The following SH3GL1 variants were observed in gnomAD, a reference collection of about 807,000 sequenced individuals.
The protein encoded by SH3GL1 is SH3 domain containing GRB2 like 1, endophilin A2.
A neutral mutation model predicts 48.8 loss-of-function variants in SH3GL1; 21 were observed. The observed-to-expected ratio is 0.43, with a 90% confidence interval of 0.30 to 0.62. The LOEUF (loss-of-function observed/expected upper bound fraction) is 0.62. Ranked by LOEUF, SH3GL1 falls within the 20% of genes least tolerant of loss-of-function variation. The pLI is 0.11. For synonymous variants in SH3GL1, 282 were observed against 217.5 expected, an observed-to-expected ratio of 1.30 and a Z score of -2.61; for missense variants, 454 against 503.0, an observed-to-expected ratio of 0.90 and a Z score of 0.93.
chr19:4,365,735 C>T (rs997644276), intron 3 of SH3GL1, 110 bp from the exon 4 acceptor site: 3 of 1,452,452 alleles, frequency 2.1e-6, no homozygotes, highest in Admixed American at 1.7e-5. Flanking sequence ...TGCCTGTGGA[C>T]AGCCTAGGCC....
chr19:4,372,128 C>T lies in SH3GL1; in HGVS notation c.46-5134G>A, dbSNP rs527428246. ...TGGCCAAGGCCATACATTTACAGGA[C>T]TAGGGGACAACAGCCCCAGGACAAA... is the stretch of plus-strand genomic sequence containing the variant. On this transcript the variant is annotated intron_variant, in intron 1 of 9. Coordinates refer to ENST00000269886, the MANE Select transcript of SH3GL1 (RefSeq NM_003025.4). Among the ~76,000 whole-genome samples, 34 of 152,350 alleles carry T rather than the reference C, an allele frequency of 2.2e-4. No homozygotes were observed. In the South Asian group the frequency reaches 5.4e-3, roughly 24 times the overall value.
At position 4,361,316 on chromosome 19, in the gene SH3GL1, C is replaced by A. The variant is rs770659974; in HGVS notation, c.*284G>T. ...TGTTGCCCCGCCTCGGCCAGCTGGG[C>A]GAGAAGTTGGGGAGCGGGGGAGGAG... On this transcript the variant is annotated 3_prime_UTR_variant, in exon 10 of 10. Transcript: ENST00000269886. The A allele has an allele frequency of 8.0e-6, 4 of 500,648 alleles. No individual in the cohort carries two copies. Among genetic ancestry groups the A allele is most frequent in the Admixed American group, 3.5e-5 (1 of 28,482 alleles). 31.0% of individuals were successfully genotyped at this position (500,648 alleles called of 1,614,324 possible).
At chr19:4,361,910 G>A (rs1263729065) in intron 9 of SH3GL1, 114 bp from the exon 10 acceptor site, 4 of 755,032 alleles carry the variant, frequency 5.3e-6, no homozygotes, top group East Asian at 2.6e-5. Flanking sequence ...CCTCCCCTCT[G>A]CCCTGCCTGG....
intron 1 of SH3GL1, among the ~76,000 whole-genome samples, chr19:4,392,338 A>T (rs942469193): frequency 1.3e-5 from 2 of 152,146 alleles, no homozygotes; most frequent in African/African-American, 4.8e-5. Context: ...AGCCTGGCCA[A>T]CATGATGAAA....
intron 7 of SH3GL1, among the ~76,000 whole-genome samples, chr19:4,363,023 A>G (rs148414758): frequency 5.3e-5 from 8 of 152,020 alleles, no homozygotes; most frequent in African/African-American, 1.2e-4. Flanking sequence ...TCCTCCCCCA[A>G]TTCCCCACCA....
At position 4,362,396 on chromosome 19, in the gene SH3GL1, G is replaced by A. The variant is rs768301758; in HGVS notation, c.854-11C>T. ...GGAAAGACGATGAAGCTAAACACAAGCAAAACGAGGAGGCTGTGGGCTCAA... is the reference window on the plus strand; with the variant it reads ...GGAAAGACGATGAAGCTAAACACAAACAAAACGAGGAGGCTGTGGGCTCAA... On this transcript the variant is annotated splice_polypyrimidine_tract_variant and intron_variant, in intron 8 of 9. Coordinates refer to ENST00000269886, the MANE Select transcript of SH3GL1 (RefSeq NM_003025.4). 5 of 1,608,678 alleles carry A rather than the reference G, an allele frequency of 3.1e-6. No homozygotes were observed. The South Asian group carries it at 3.3e-5, about 11-fold the overall frequency.
chr19:4,368,520 G>C (rs139291486), intron 1 of SH3GL1, among the ~76,000 whole-genome samples: 1 of 152,298 alleles, frequency 6.6e-6, no homozygotes, highest in East Asian at 1.9e-4. Context: ...CTTGTGTCCT[G>C]GCAACCTGCC....
At chr19:4,386,332 G>T (rs114685108) in intron 1 of SH3GL1, among the ~76,000 whole-genome samples, 3,148 of 152,234 alleles carry the variant, frequency 0.021, 114 homozygotes, top group African/African-American at 0.072. Flanking sequence ...TGAGAATAAG[G>T]GTCTCTGCTT....
At chr19:4,379,425 C>CAAA (rs973250795) in intron 1 of SH3GL1, among the ~76,000 whole-genome samples, 6 of 89,342 alleles carry the variant, frequency 6.7e-5, no homozygotes, top group South Asian at 7.1e-4. Flanking sequence ...GATGCTGTCT[C>CAAA]AAAAAAAAAA....
intron 1 of SH3GL1, among the ~76,000 whole-genome samples, chr19:4,368,494 G>A (rs944028734): frequency 2.0e-5 from 3 of 152,226 alleles, no homozygotes; most frequent in Admixed American, 6.5e-5. Flanking sequence ...TAGCCTGCCC[G>A]GAGTACACGG....
At chr19:4,365,404 G>A in intron 4 of SH3GL1, 78 bp downstream of exon 4, 2 of 1,587,662 alleles carry the variant, frequency 1.3e-6, no homozygotes, top group Non-Finnish European at 1.7e-6. Flanking sequence ...AGCACATGCA[G>A]GGCCTGGACC....
At chr19:4,383,346 C>G (rs1234569373) in intron 1 of SH3GL1, among the ~76,000 whole-genome samples, 1 of 152,018 alleles carries the variant, frequency 6.6e-6, no homozygotes, top group Non-Finnish European at 1.5e-5. Context: ...TCCCGAGTAG[C>G]TGGGACTACA....
In SH3GL1 at chr19:4,389,296, G is replaced by T. The variant is rs762730397; in HGVS notation, c.45+11028C>A. Among the ~76,000 whole-genome samples the T allele has an allele frequency of 6.6e-6, 1 of 152,182 alleles. No homozygotes were observed. The highest frequency in any genetic ancestry group is 2.4e-5 in the African/African-American group (1 of 41,434). On this transcript the variant is annotated intron_variant, in intron 1 of 9. Coordinates refer to ENST00000269886, the MANE Select transcript of SH3GL1 (RefSeq NM_003025.4). The surrounding 1 kb of genome is among the most constrained non-coding windows in gnomAD (Gnocchi z 4.5). ...GTGGCATCTGGGTGGGGGACCCCGAGGCCAGAAGCTCCAAGGGCTGAGAAC... is the reference window on the plus strand; with the variant it reads ...GTGGCATCTGGGTGGGGGACCCCGATGCCAGAAGCTCCAAGGGCTGAGAAC...
At chr19:4,381,218 G>GCCTCTGTCTGTCCCCCTA (rs1973118203) in intron 1 of SH3GL1, among the ~76,000 whole-genome samples, 1 of 105,644 alleles carries the variant, frequency 9.5e-6, no homozygotes, top group Non-Finnish European at 1.8e-5. Flanking sequence ...TGTCCCCTCT[G>GCCTCTGTCTGTCCCCCTA]CCTCTGTCTC....
intron 1 of SH3GL1, among the ~76,000 whole-genome samples, chr19:4,394,973 A>G (rs1392924241): frequency 6.6e-6 from 1 of 152,270 alleles, no homozygotes; most frequent in Non-Finnish European, 1.5e-5. Context: ...TGCCAAGCCA[A>G]GGAAGGGGTC....
At chr19:4,374,667 G>A (rs1307457334) in intron 1 of SH3GL1, among the ~76,000 whole-genome samples, 3 of 152,216 alleles carry the variant, frequency 2.0e-5, no homozygotes, top group South Asian at 2.1e-4. Context: ...CCTCTGGTCC[G>A]CATGCTGCCC....
chr19:4,374,214 A>C (rs1335122373), intron 1 of SH3GL1, among the ~76,000 whole-genome samples: 2 of 152,212 alleles, frequency 1.3e-5, no homozygotes, highest in East Asian at 3.9e-4. Context: ...CAGAGAGGGA[A>C]TCAGCCACTG....
At chr19:4,385,129 G>A (rs1365128586) in intron 1 of SH3GL1, among the ~76,000 whole-genome samples, 1 of 151,286 alleles carries the variant, frequency 6.6e-6, no homozygotes, top group Non-Finnish European at 1.5e-5. Flanking sequence ...TAGGGTACGA[G>A]AAACCAAGCA....
Position 4,363,774 on chromosome 19 carries a change from G to A in SH3GL1, c.570C>T (p.Phe190=), listed in dbSNP as rs777977343. Residue 190 remains phenylalanine, a synonymous_variant, in exon 6 of 10, where the codon TTC becomes TTT. Coordinates refer to ENST00000269886, the MANE Select transcript of SH3GL1 (RefSeq NM_003025.4). The part of the protein sequence containing the change: ...DEELRQALEK[F]EESKEVAETS... ...TTTCTGCCACCTCCTTGGACTCCTC[G>A]AACTTCTCCAGCGCCTGGCGTAGCT... is the stretch of plus-strand genomic sequence containing the variant. The A allele has an allele frequency of 7.4e-6, 12 of 1,613,826 alleles. No individual in the cohort carries two copies. The highest frequency in any genetic ancestry group is 4.0e-5 in the African/African-American group (3 of 75,048).
Sources: allele counts gnomAD v4.1 joint callset (sites outside exome capture counted in the v4.1 genomes callset), GRCh38; gene constraint gnomAD v4.1.1; non-coding constraint Gnocchi (gnomAD v3.1); transcripts MANE v1.5; gene names NCBI Gene and HGNC (gene_info 2026-07-23, HGNC 2026-07-21).